Variants in KPNB1 observed in about 807,000 individuals in gnomAD.
KPNB1 encodes the protein karyopherin subunit beta 1.
In KPNB1, 7 loss-of-function variants were observed where a neutral mutation model predicts 113.0. That is an observed-to-expected ratio of 0.06 (90% CI 0.04 to 0.12). KPNB1 has a LOEUF of 0.12. Ranked by LOEUF, KPNB1 falls within the 10% of genes least tolerant of loss-of-function variation. The probability of loss-of-function intolerance (pLI) is 1.00; values close to 1 mark genes in which losing one functional copy is unlikely to be tolerated. For missense variants in KPNB1, 400 were observed against 1,054.8 expected (o/e 0.38, Z 8.60); for synonymous variants, 363 against 378.6 (o/e 0.96, Z 0.48).
intron 6 of KPNB1, 95 bp from the exon 7 acceptor site, chr17:47,662,994 T>C (rs567947505): frequency 9.2e-5 from 66 of 719,474 alleles, no homozygotes; most frequent in Admixed American, 4.8e-4. Flanking sequence ...TTTACCTCAA[T>C]TAATCCTTAG....
At chr17:47,675,361 G>GTTTTTGTGTT (rs2030568124) in intron 15 of KPNB1, among the ~76,000 whole-genome samples, 1 of 88,692 alleles carries the variant, frequency 1.1e-5, no homozygotes, top group Admixed American at 1.1e-4. Flanking sequence ...CAGAGGTGTT[G>GTTTTTGTGTT]TTTTTTTTTT....
In KPNB1 at chr17:47,650,006, C is replaced by G. The variant is rs925923434; in HGVS notation, c.-239C>G. ...AGCACCAGCGCGCTCTGAGCTGCCC[C>G]CAGGGTCCCTCCCCCGCCGCCAGCA... On this transcript the variant is annotated 5_prime_UTR_variant, in exon 1 of 22. Transcript: ENST00000290158. The G allele has an allele frequency of 7.3e-7, 1 of 1,368,198 alleles. No individual in the cohort carries two copies. The highest frequency in any genetic ancestry group is 9.4e-7 in the Non-Finnish European group (1 of 1,066,816). 84.8% of individuals were successfully genotyped at this position (1,368,198 alleles called of 1,614,324 possible). A position where few individuals can be genotyped will look rare whatever the true frequency, so the allele number is the denominator to read the frequency against.
chr17:47,656,741 C>T lies in KPNB1; in HGVS notation c.283-119C>T. On this transcript the variant is annotated intron_variant, in intron 3 of 21. Transcript: ENST00000290158. ...CCAGTCCGGGCAACATAGTGAGACC[C>T]TGTCTTAAGAAAGAAAGAAAAAAAA... 3.1e-6 allele frequency: 3 copies of T among 966,764 alleles called. No homozygotes were observed. In the Admixed American group the frequency reaches 6.5e-5, roughly 21 times the overall value. The allele number at this position is 966,764 out of a possible 1,614,324, so 59.9% of individuals were successfully genotyped here.
chr17:47,657,203 C>A (rs2029934961), intron 4 of KPNB1, 143 bp downstream of exon 4: 1 of 709,208 alleles, frequency 1.4e-6, no homozygotes, highest in East Asian at 2.7e-5. Flanking sequence ...GATTTATTTC[C>A]CTTAGGCCTG....
At position 47,683,514 on chromosome 17, in the gene KPNB1, A is replaced by G. The variant is rs2030858521; in HGVS notation, c.*1110A>G. 1 of 152,596 alleles carries G rather than the reference A, an allele frequency of 6.6e-6. No individual in the cohort carries two copies. The highest frequency in any genetic ancestry group is 2.4e-5 in the African/African-American group (1 of 41,426). 9.5% of individuals were successfully genotyped at this position (152,596 alleles called of 1,614,324 possible). Reference sequence around the variant, plus strand: ...GAAAATTGTGCCAAAGAGTTTAGAAAAATAAATATACAATAAAAGTAAACA... The same window carrying G: ...GAAAATTGTGCCAAAGAGTTTAGAAGAATAAATATACAATAAAAGTAAACA... On this transcript the variant is annotated 3_prime_UTR_variant, in exon 22 of 22. Transcript: ENST00000290158.
chr17:47,676,315 G>A (rs780017066), intron 15 of KPNB1, 94 bp from the exon 16 acceptor site: 14 of 859,952 alleles, frequency 1.6e-5, no homozygotes, highest in Admixed American at 7.2e-5. Flanking sequence ...TGAGTGGAGC[G>A]AGTACATTTT....
At chr17:47,667,162 A>G (rs998724364) in intron 9 of KPNB1, among the ~76,000 whole-genome samples, 6 of 150,078 alleles carry the variant, frequency 4.0e-5, no homozygotes, top group Admixed American at 6.6e-5. Flanking sequence ...GTCTTGCTCT[A>G]TCACCCAGGC....
chr17:47,675,358 G>GTTTTTTTTTTTTTTTTTTTTT (rs1555619221), intron 15 of KPNB1, among the ~76,000 whole-genome samples: 1 of 88,812 alleles, frequency 1.1e-5, no homozygotes, highest in African/African-American at 4.3e-5. Flanking sequence ...TGGCAGAGGT[G>GTTTTTTTTTTTTTTTTTTTTT]TTGTTTTTTT....
Position 47,650,404 on chromosome 17 carries a change from C to T in KPNB1, c.59C>T (p.Ala20Val), listed in dbSNP as rs761440301. 7 of 1,610,226 alleles carry T rather than the reference C, an allele frequency of 4.3e-6. No homozygotes were observed. The part of the protein sequence containing the change: ...TVSPDRLELE[A>V]AQKFLERAAV... ...CCCCTAGATCGGCTGGAGCTGGAAG[C>T]GGCGCAGAAGTTCCTGGAGCGTGCG... Residue 20 changes from alanine to valine, a missense_variant, in exon 2 of 22, where the codon GCG becomes GTG. Ala to Val is a moderately conservative substitution (Grantham distance 64). Around this residue, in one of 2 missense-constraint regions of KPNB1, gnomAD observed 285 missense variants for 627.0 expected, o/e 0.45. Coordinates refer to ENST00000290158, the MANE Select transcript of KPNB1 (RefSeq NM_002265.6).
rs1450587231 is a variant in KPNB1 at position 47,683,766 on chromosome 17, T to C, written c.*1362T>C. On this transcript the variant is annotated 3_prime_UTR_variant, in exon 22 of 22. Coordinates refer to ENST00000290158, the MANE Select transcript of KPNB1 (RefSeq NM_002265.6). ...TGTGTGAATACACACACACACTAAC[T>C]AGAAGTCTTGTGATGAAAATGGCAC... The C allele has an allele frequency of 6.6e-6, 1 of 152,488 alleles. No individual in the cohort carries two copies. The highest frequency in any genetic ancestry group is 2.4e-5 in the African/African-American group (1 of 41,426). The allele number at this position is 152,488 out of a possible 1,614,324, so 9.4% of individuals were successfully genotyped here.
intron 5 of KPNB1, among the ~76,000 whole-genome samples, chr17:47,660,018 ATAGT>A (rs756009408): frequency 7.2e-5 from 11 of 152,334 alleles, no homozygotes; most frequent in Admixed American, 2.6e-4. Context: ...TTTTAAATGT[ATAGT>A]TAGTTAAGTA....
In KPNB1 at chr17:47,684,439, C is replaced by G. The variant is rs887120396; in HGVS notation, c.*2035C>G. Reference sequence around the variant, plus strand: ...CTCCTAAGCCCTATTAAGAAGAGGCCTGGTCCTCTAATGCCTTGTTTCCAT... The same window carrying G: ...CTCCTAAGCCCTATTAAGAAGAGGCGTGGTCCTCTAATGCCTTGTTTCCAT... On this transcript the variant is annotated 3_prime_UTR_variant, in exon 22 of 22. Transcript: ENST00000290158. The G allele has an allele frequency of 6.6e-6, 1 of 152,032 alleles. No individual in the cohort carries two copies. The highest frequency in any genetic ancestry group is 1.5e-5 in the Non-Finnish European group (1 of 68,018). The allele number at this position is 152,032 out of a possible 1,614,324, so 9.4% of individuals were successfully genotyped here.
intron 15 of KPNB1, among the ~76,000 whole-genome samples, chr17:47,675,221 A>G (rs1286800312): frequency 6.6e-6 from 1 of 152,082 alleles, no homozygotes; most frequent in Non-Finnish European, 1.5e-5. Context: ...TTGACTATAG[A>G]AAGCATAGTC....
chr17:47,676,924 T>C, intron 16 of KPNB1, 96 bp from the exon 17 acceptor site: 2 of 884,182 alleles, frequency 2.3e-6, no homozygotes, highest in Non-Finnish European at 3.6e-6. Context: ...TAACTCTAGG[T>C]TCAAGTGATA....
At position 47,649,992 on chromosome 17, in the gene KPNB1, G is replaced by A; in HGVS notation, c.-253G>A. ...CCCTCCGCCTCCCGAGCACCAGCGC[G>A]CTCTGAGCTGCCCCCAGGGTCCCTC... On this transcript the variant is annotated 5_prime_UTR_variant, in exon 1 of 22. Coordinates refer to ENST00000290158, the MANE Select transcript of KPNB1 (RefSeq NM_002265.6). 1 of 1,330,394 alleles carries A rather than the reference G, an allele frequency of 7.5e-7. No individual in the cohort carries two copies. Among genetic ancestry groups the A allele is most frequent in the Non-Finnish European group, 9.6e-7 (1 of 1,044,872 alleles). The allele number at this position is 1,330,394 out of a possible 1,614,324, so 82.4% of individuals were successfully genotyped here.
Position 47,664,334 on chromosome 17 carries a change from C to T in KPNB1, c.897+65C>T, listed in dbSNP as rs879205812. ...ACATATCTCATTTGTGGATGATGTT[C>T]CCCTTCTAGGAGAACTTTATTCTGT... On this transcript the variant is annotated intron_variant, in intron 8 of 21. Transcript: ENST00000290158. 4.7e-6 allele frequency: 5 copies of T among 1,061,794 alleles called. No individual in the cohort carries two copies. The South Asian group carries it at 5.2e-5, about 11-fold the overall frequency. 65.8% of individuals were successfully genotyped at this position (1,061,794 alleles called of 1,614,324 possible).
intron 14 of KPNB1, among the ~76,000 whole-genome samples, 184 bp from the exon 15 acceptor site, chr17:47,674,454 A>G (rs772918426): frequency 3.3e-5 from 5 of 152,266 alleles, no homozygotes; most frequent in African/African-American, 9.6e-5. Flanking sequence ...ATTGAGAAAC[A>G]GGAGAAATGT....
At chr17:47,651,693 CTT>C (rs1174251880) in intron 2 of KPNB1, among the ~76,000 whole-genome samples, 2 of 152,302 alleles carry the variant, frequency 1.3e-5, no homozygotes, top group South Asian at 4.1e-4. Context: ...ATTAATAAAA[CTT>C]TTAAGAATTA....
chr17:47,677,269 G>A, intron 17 of KPNB1, 142 bp downstream of exon 17: 1 of 632,714 alleles, frequency 1.6e-6, no homozygotes, highest in Non-Finnish European at 2.8e-6. Context: ...AGGAGTTCGA[G>A]ACCAACCTGG....
Sources: gnomAD v4.1 joint callset for allele counts (sites outside exome capture counted in the v4.1 genomes callset) on GRCh38, gnomAD v4.1.1 for gene constraint, gnomAD v4.1.1 regional missense constraint, MANE v1.5 for transcripts, NCBI Gene and HGNC (gene_info 2026-07-23, HGNC 2026-07-21) for gene names.